Variants in HFM1 observed in about 807,000 individuals in gnomAD.
HFM1 encodes the protein helicase for meiosis 1, also known as probable ATP-dependent DNA helicase HFM1.
Under a neutral mutation model 192.1 loss-of-function variants are expected in HFM1, and 169 were observed. The ratio of observed to expected loss-of-function variants is 0.88; its 90% CI spans 0.78 to 1.00. The LOEUF is 1.00. HFM1 is among the 50% of genes least tolerant of loss of function. HFM1 has a pLI of 0.00. For missense variants in HFM1, 1,661 were observed against 1,668.0 expected, an observed-to-expected ratio of 1.00 and a Z score of 0.07; for synonymous variants, 525 against 537.8, an observed-to-expected ratio of 0.98 and a Z score of 0.33.
intron 4 of HFM1, among the ~76,000 whole-genome samples, chr1:91,389,382 G>C (rs551505084): frequency 3.3e-5 from 5 of 152,002 alleles, no homozygotes; most frequent in Non-Finnish European, 7.4e-5. Context: ...GACTGGTCTC[G>C]AACTCCTGAC....
At chr1:91,324,620 A>G in intron 21 of HFM1, 55 bp downstream of exon 21, 1 of 802,548 alleles carries the variant, frequency 1.2e-6, no homozygotes. Flanking sequence ...TGTTTCTCAA[A>G]TATTATTTTA....
rs923458571 is a variant in HFM1 at position 91,394,278 on chromosome 1, A to G, written c.309T>C (p.Asp103=). 6.3e-7 allele frequency: 1 copy of G among 1,596,162 alleles called. No homozygotes were observed. The highest frequency in any genetic ancestry group is 8.6e-7 in the Non-Finnish European group (1 of 1,163,806). The change falls in exon 4 of 39, where the codon GAT becomes GAC. Residue 103 remains aspartate (D), a synonymous_variant. Coordinates refer to ENST00000370425, the MANE Select transcript of HFM1 (RefSeq NM_001017975.6). ...TATTACCTACCCCTTCTAAATTTAG[A>G]TCATCCTGTTCATATTTATCAGAAG... is the stretch of plus-strand genomic sequence containing the variant. ...AFPSDKYEQD[D]LNLEGVGNND... is the part of the protein sequence containing the mutation.
chr1:91,404,309 C>G (rs1664625427), intron 1 of HFM1, among the ~76,000 whole-genome samples: 1 of 152,360 alleles, frequency 6.6e-6, no homozygotes, highest in Non-Finnish European at 1.5e-5. Flanking sequence ...AAGGCAGAGG[C>G]CTTAGGGCCC....
intron 30 of HFM1, among the ~76,000 whole-genome samples, chr1:91,278,306 A>G (rs1049543638): frequency 1.6e-4 from 25 of 152,112 alleles, no homozygotes; most frequent in Non-Finnish European, 2.8e-4. Flanking sequence ...TTTACTCTTA[A>G]TTTATTATAT....
intron 30 of HFM1, among the ~76,000 whole-genome samples, chr1:91,300,028 G>A (rs1648431751): frequency 6.6e-6 from 1 of 152,184 alleles, no homozygotes; most frequent in South Asian, 2.1e-4. Flanking sequence ...AAAATTGATA[G>A]ACCGCTAGCA....
chr1:91,299,516 T>C (rs1070743), intron 30 of HFM1, among the ~76,000 whole-genome samples: 151,883 of 152,076 alleles, frequency 1, 75,846 homozygotes, highest in South Asian at 1. Context: ...TATTCCAAAA[T>C]TGACCACATA....
chr1:91,287,040 C>A (rs1313315566), intron 30 of HFM1, among the ~76,000 whole-genome samples: 2 of 152,112 alleles, frequency 1.3e-5, no homozygotes, highest in African/African-American at 4.8e-5. Flanking sequence ...ATTGCTAGCA[C>A]AGCAGTCTGA....
intron 1 of HFM1, among the ~76,000 whole-genome samples, chr1:91,402,869 C>T (rs1250464529): frequency 1.3e-5 from 2 of 152,064 alleles, no homozygotes; most frequent in African/African-American, 2.4e-5. Flanking sequence ...TACAAATAGA[C>T]AACAAAACTA....
chr1:91,392,838 C>A, intron 4 of HFM1, among the ~76,000 whole-genome samples: 1 of 151,946 alleles, frequency 6.6e-6, no homozygotes, highest in African/African-American at 2.4e-5. Flanking sequence ...TATAATTGCA[C>A]TTATATGAAA....
At chr1:91,352,469 G>A (rs371510501) in intron 16 of HFM1, 37 bp downstream of exon 16, 46 of 1,496,764 alleles carry the variant, frequency 3.1e-5, no homozygotes, top group South Asian at 2.4e-4. Flanking sequence ...TTTTTATCAT[G>A]TTTTTAAGTA....
Position 91,343,054 on chromosome 1 carries a change from C to T in HFM1, c.2335+376G>A, listed in dbSNP as rs190756604. On this transcript the variant is annotated intron_variant, in intron 20 of 38. Coordinates refer to ENST00000370425, the MANE Select transcript of HFM1 (RefSeq NM_001017975.6). ...CATCCTAGCTAACATGGTGAAACCC[C>T]GTCTCTACTAAAAATACAAAAAAAA... Among the ~76,000 whole-genome samples the T allele has an allele frequency of 5.3e-3, 805 of 151,518 alleles. 4 individuals carry two copies. Among genetic ancestry groups the T allele is most frequent in the African/African-American group, 0.019 (772 of 41,294 alleles).
chr1:91,373,114 T>C (rs1660451019), intron 13 of HFM1, among the ~76,000 whole-genome samples: 1 of 149,464 alleles, frequency 6.7e-6, no homozygotes, highest in Non-Finnish European at 1.5e-5. Flanking sequence ...AATTCTTTAA[T>C]AGACTATCTT....
At chr1:91,369,376 GAA>G (rs1407655190) in intron 13 of HFM1, among the ~76,000 whole-genome samples, 5 of 152,074 alleles carry the variant, frequency 3.3e-5, no homozygotes, top group Admixed American at 2.0e-4. Context: ...AAATGTAAAA[GAA>G]CAGAAATTAT....
chr1:91,286,915 A>G (rs1382397249), intron 30 of HFM1, among the ~76,000 whole-genome samples: 8 of 152,208 alleles, frequency 5.3e-5, no homozygotes, highest in Non-Finnish European at 1.0e-4. Context: ...CACCTGGAAA[A>G]TTGGGTCACT....
intron 13 of HFM1, among the ~76,000 whole-genome samples, chr1:91,368,660 A>G (rs564919351): frequency 1.3e-5 from 2 of 152,356 alleles, no homozygotes; most frequent in African/African-American, 4.8e-5. Flanking sequence ...AATTGTAAAG[A>G]CCATCAAGGC....
At chr1:91,366,668 G>C (rs1659354760) in intron 13 of HFM1, among the ~76,000 whole-genome samples, 1 of 152,168 alleles carries the variant, frequency 6.6e-6, no homozygotes. Context: ...AATAGGAACA[G>C]CTCCAGTCTA....
chr1:91,396,006 G>A (rs1022689366), intron 3 of HFM1, among the ~76,000 whole-genome samples: 2 of 151,856 alleles, frequency 1.3e-5, no homozygotes, highest in African/African-American at 4.8e-5. Context: ...ACACCACCAC[G>A]CCTAGCTAGT....
At chr1:91,284,330 G>A (rs1020276725) in intron 30 of HFM1, among the ~76,000 whole-genome samples, 17 of 151,682 alleles carry the variant, frequency 1.1e-4, no homozygotes, top group African/African-American at 4.1e-4. Context: ...TGCAACCTCC[G>A]CCCAAGGCTC....
upstream of HFM1, among the ~76,000 whole-genome samples, chr1:91,407,192 C>T (rs1206307308): frequency 2.6e-5 from 4 of 151,944 alleles, no homozygotes; most frequent in African/African-American, 9.7e-5. Flanking sequence ...GAACTTCACA[C>T]ACTGGGGCCC....
Sources: gnomAD v4.1 joint callset for allele counts (sites outside exome capture counted in the v4.1 genomes callset) on GRCh38, gnomAD v4.1.1 for gene constraint, MANE v1.5 for transcripts, NCBI Gene and HGNC (gene_info 2026-07-23, HGNC 2026-07-21) for gene names.